CHMP3: variants seen among roughly 807,000 people sequenced by gnomAD.
The protein encoded by CHMP3 is 25.1 protein.
CHMP3 carries 8 observed loss-of-function variants against 27.4 expected under a neutral mutation model. The observed-to-expected ratio is 0.29, with a 90% CI of 0.17 to 0.53. CHMP3 has a LOEUF of 0.53. Ranked by LOEUF, CHMP3 falls within the 20% of genes least tolerant of loss-of-function variation. CHMP3 has a pLI of 0.96. For missense variants in CHMP3, 208 were observed against 271.5 expected (o/e 0.77, Z 1.64); for synonymous variants, 86 against 85.5 (o/e 1.01, Z -0.03).
At chr2:86,542,046 T>C (rs1311595349) in intron 2 of CHMP3, among the ~76,000 whole-genome samples, 3 of 151,890 alleles carry the variant, frequency 2.0e-5, no homozygotes, top group African/African-American at 4.9e-5. Context: ...TTTCTTTTGC[T>C]CTTCCAAAAT....
At chr2:86,519,138 C>T (rs1457233569) in intron 3 of CHMP3, among the ~76,000 whole-genome samples, 4 of 152,042 alleles carry the variant, frequency 2.6e-5, no homozygotes, top group African/African-American at 9.7e-5. Flanking sequence ...CTTAGGGAGG[C>T]CCAGGCAGGT....
chr2:86,515,712 A>G (rs567647802), intron 3 of CHMP3, among the ~76,000 whole-genome samples: 26 of 152,334 alleles, frequency 1.7e-4, no homozygotes, highest in Non-Finnish European at 3.5e-4. Context: ...ATATTTGTTG[A>G]AAAAAACAAT....
chr2:86,533,596 C>G (rs1449450668), intron 2 of CHMP3, among the ~76,000 whole-genome samples: 1 of 152,028 alleles, frequency 6.6e-6, no homozygotes, highest in African/African-American at 2.4e-5. Flanking sequence ...TAACTTCTGC[C>G]TCTGGGTTCA....
intron 3 of CHMP3, 146 bp from the exon 4 acceptor site, chr2:86,510,625 G>T: frequency 8.7e-7 from 1 of 1,153,756 alleles, no homozygotes; most frequent in Non-Finnish European, 1.2e-6. Context: ...TACTGTGCTA[G>T]TTGACCAAGA....
intron 1 of CHMP3, among the ~76,000 whole-genome samples, chr2:86,545,902 C>T (rs1188897766): frequency 2.0e-5 from 3 of 152,126 alleles, no homozygotes; most frequent in Non-Finnish European, 4.4e-5. Context: ...CAGAGCGGCT[C>T]CTCACATCCC....
intron 3 of CHMP3, chr2:86,510,806 G>T (rs1057382420): frequency 1.8e-4 from 48 of 263,672 alleles, no homozygotes; most frequent in African/African-American, 9.5e-4. Flanking sequence ...ATGGGAGAAA[G>T]AGCTCCAGAC....
At chr2:86,520,874 G>A (rs994524598) in intron 3 of CHMP3, among the ~76,000 whole-genome samples, 11 of 152,146 alleles carry the variant, frequency 7.2e-5, no homozygotes, top group South Asian at 2.1e-4. Flanking sequence ...CCAAGCCATC[G>A]CATCCCCTGT....
intron 3 of CHMP3, among the ~76,000 whole-genome samples, chr2:86,513,602 A>G (rs568461073): frequency 5.7e-4 from 87 of 152,018 alleles, no homozygotes; most frequent in African/African-American, 1.9e-3. Context: ...GTGTGAGGGC[A>G]GGGGTATGTG....
rs563197130 is a variant in CHMP3, at chr2:86,526,676, C to A, written c.286+2542G>T. ...ACTAGAGCATGCTCTCTCTCTCTCT[C>A]TCTCTCTATATATATATACACATAC... On this transcript the variant is annotated intron_variant, in intron 3 of 5. Transcript: ENST00000263856. Among the ~76,000 whole-genome samples, 847 of 150,846 alleles carry A rather than the reference C, an allele frequency of 5.6e-3. 5 individuals carry two copies. The highest frequency in any genetic ancestry group is 6.4e-3 in the Non-Finnish European group (437 of 67,944).
At chr2:86,518,398 T>C (rs1338492435) in intron 3 of CHMP3, among the ~76,000 whole-genome samples, 1 of 152,150 alleles carries the variant, frequency 6.6e-6, no homozygotes, top group East Asian at 1.9e-4. Context: ...CAAAAGAATG[T>C]TGAAACCATG....
At chr2:86,540,557 C>A (rs1392585096) in intron 2 of CHMP3, 1 of 152,084 alleles carries the variant, frequency 6.6e-6, no homozygotes, top group Non-Finnish European at 1.5e-5. Flanking sequence ...TGACAGGATA[C>A]TCAAAGGAAA....
At chr2:86,518,134 T>C (rs997593279) in intron 3 of CHMP3, among the ~76,000 whole-genome samples, 3 of 152,190 alleles carry the variant, frequency 2.0e-5, no homozygotes, top group African/African-American at 4.8e-5. Flanking sequence ...TGAAATCTTA[T>C]GACATTTCTG....
chr2:86,562,513 T>G (rs116241634), intron 1 of CHMP3, among the ~76,000 whole-genome samples: 3 of 152,310 alleles, frequency 2.0e-5, no homozygotes, highest in African/African-American at 7.2e-5. Flanking sequence ...ATGAAAACTT[T>G]ACATCCCTGA....
chr2:86,519,374 A>AG (rs906534785), intron 3 of CHMP3, among the ~76,000 whole-genome samples: 6 of 151,930 alleles, frequency 3.9e-5, no homozygotes, highest in Admixed American at 3.9e-4. Flanking sequence ...TCAAAAAAAA[A>AG]AAAAAAAGCA....
intron 3 of CHMP3, among the ~76,000 whole-genome samples, chr2:86,516,988 G>A (rs189645415): frequency 1.3e-5 from 2 of 152,100 alleles, no homozygotes; most frequent in South Asian, 4.1e-4. Flanking sequence ...TTGTACTCTG[G>A]TTTTGCAAGA....
intron 1 of CHMP3, among the ~76,000 whole-genome samples, chr2:86,555,242 C>A (rs568989786): frequency 5.9e-5 from 9 of 152,132 alleles, no homozygotes; most frequent in Non-Finnish European, 1.2e-4. Context: ...GAATAAACTT[C>A]ATTTTCAAAA....
intron 4 of CHMP3, among the ~76,000 whole-genome samples, chr2:86,509,526 T>C (rs886080382): frequency 1.3e-5 from 2 of 152,224 alleles, no homozygotes; most frequent in African/African-American, 4.8e-5. Flanking sequence ...GTGATTTCTA[T>C]GCACAGCCTC....
chr2:86,561,247 C>T (rs1437184238), intron 1 of CHMP3, among the ~76,000 whole-genome samples: 1 of 152,166 alleles, frequency 6.6e-6, no homozygotes, highest in Non-Finnish European at 1.5e-5. Flanking sequence ...AACTGTATGA[C>T]CTTGGGCAAA....
chr2:86,555,412 G>C (rs1366118425), intron 1 of CHMP3, among the ~76,000 whole-genome samples: 1 of 151,032 alleles, frequency 6.6e-6, no homozygotes, highest in Non-Finnish European at 1.5e-5. Flanking sequence ...ACATAAATGA[G>C]AATCAACTGA....
Sources: gnomAD v4.1 joint callset for allele counts (sites outside exome capture counted in the v4.1 genomes callset) on GRCh38, gnomAD v4.1.1 for gene constraint, MANE v1.5 for transcripts, NCBI Gene and HGNC (gene_info 2026-07-23, HGNC 2026-07-21) for gene names.